The following NBAS variants were observed in gnomAD, a reference collection of about 807,000 sequenced individuals.
NBAS encodes the protein NBAS subunit of NRZ tethering complex.
A neutral mutation model predicts 302.5 loss-of-function variants in NBAS; 219 were observed. The observed-to-expected ratio is 0.72, with a 90% CI of 0.65 to 0.81. The LOEUF is 0.81. Among genes scored for constraint, NBAS ranks in the 30% least tolerant of loss-of-function variants. The pLI is 0.00. For missense variants in NBAS, 2,932 were observed against 2,841.6 expected (o/e 1.03, Z -0.72); for synonymous variants, 1,118 against 1,021.6 (o/e 1.09, Z -1.80).
At chr2:15,033,914 C>G in the NBAS span, among the ~76,000 whole-genome samples, 3 of 151,402 alleles carry the variant, frequency 2.0e-5, no homozygotes, top group East Asian at 5.9e-4. Context: ...CACCACTCCA[C>G]TCCACTCTGG....
chr2:15,186,760 C>T lies in NBAS; in HGVS notation c.6693G>A (p.Lys2231=). 6.2e-7 allele frequency: 1 copy of T among 1,613,822 alleles called. No homozygotes were observed. The highest frequency in any genetic ancestry group is 8.5e-7 in the Non-Finnish European group (1 of 1,179,940). ...LKMCRSLYNT[K]QMLPAEGVKE... is the part of the protein sequence containing the mutation. ...CACTCACCTCTGCAGGCAGCATCTG[C>T]TTGGTGTTATACAAAGAGCGACACA... The change falls in exon 50 of 52, where the codon AAG becomes AAA. Residue 2231 remains lysine, a synonymous_variant. Coordinates refer to ENST00000281513, the MANE Select transcript of NBAS (RefSeq NM_015909.4).
intron 49 of NBAS, among the ~76,000 whole-genome samples, chr2:15,189,779 T>C: frequency 6.6e-6 from 1 of 152,212 alleles, no homozygotes; most frequent in South Asian, 2.1e-4. Flanking sequence ...AGCCTGAAGT[T>C]GTTTAACTCC....
At chr2:14,963,844 T>C in the NBAS span, among the ~76,000 whole-genome samples, 1 of 152,218 alleles carries the variant, frequency 6.6e-6, no homozygotes, top group Admixed American at 6.5e-5. Flanking sequence ...ATCCTAGTTG[T>C]GAGTAGGACA....
intron 31 of NBAS, among the ~76,000 whole-genome samples, chr2:15,372,257 C>T (rs1355342732): frequency 6.6e-6 from 1 of 152,206 alleles, no homozygotes; most frequent in African/African-American, 2.4e-5. Flanking sequence ...AAGAGAAAAG[C>T]ATATACATAT....
intron 41 of NBAS, among the ~76,000 whole-genome samples, chr2:15,291,846 TC>T (rs569333465): frequency 6.6e-6 from 1 of 152,044 alleles, no homozygotes; most frequent in Admixed American, 6.5e-5. Flanking sequence ...ATCCTGAGCT[TC>T]CCATTTTTCG....
intron 31 of NBAS, among the ~76,000 whole-genome samples, chr2:15,367,734 C>A (rs866941305): frequency 2.0e-5 from 3 of 151,862 alleles, no homozygotes; most frequent in Non-Finnish European, 2.9e-5. Flanking sequence ...GGGCCAGGGA[C>A]GGGGGAGATA....
chr2:15,098,445 T>A, the NBAS span, among the ~76,000 whole-genome samples: 10 of 31,374 alleles, frequency 3.2e-4, no homozygotes, highest in African/African-American at 1.1e-3. Context: ...TATTGTATAT[T>A]GTATATTATA....
chr2:15,075,582 A>C, the NBAS span, among the ~76,000 whole-genome samples: 2 of 152,226 alleles, frequency 1.3e-5, no homozygotes, highest in Non-Finnish European at 2.9e-5. Context: ...GGCTACACAC[A>C]GCTCTGCTGC....
intron 48 of NBAS, among the ~76,000 whole-genome samples, chr2:15,205,914 G>C (rs747839018): frequency 1.1e-4 from 17 of 152,150 alleles, no homozygotes; most frequent in Non-Finnish European, 1.8e-4. Flanking sequence ...TCTCAGGTAG[G>C]TCTTTATAGC....
chr2:15,548,698 G>C (rs1034179086), intron 6 of NBAS, among the ~76,000 whole-genome samples: 1 of 151,678 alleles, frequency 6.6e-6, no homozygotes, highest in Non-Finnish European at 1.5e-5. Context: ...AGTAAGTGCT[G>C]TGATATAGGC....
At chr2:15,065,595 C>T in the NBAS span, among the ~76,000 whole-genome samples, 4 of 152,102 alleles carry the variant, frequency 2.6e-5, no homozygotes. Context: ...TTTCTAACAA[C>T]AAACTATCCA....
At chr2:15,124,309 G>T in the NBAS span, among the ~76,000 whole-genome samples, 1 of 152,302 alleles carries the variant, frequency 6.6e-6, no homozygotes, top group South Asian at 2.1e-4. Flanking sequence ...AAGTGTTCAA[G>T]AAGTGGAATA....
intron 42 of NBAS, among the ~76,000 whole-genome samples, chr2:15,283,850 G>C (rs188346170): frequency 5.3e-5 from 8 of 152,266 alleles, no homozygotes; most frequent in Admixed American, 3.9e-4. Flanking sequence ...GATCTTGAAA[G>C]TTCATCTGAC....
chr2:15,371,370 T>G (rs889609984), intron 31 of NBAS, among the ~76,000 whole-genome samples: 1 of 152,198 alleles, frequency 6.6e-6, no homozygotes, highest in Non-Finnish European at 1.5e-5. Flanking sequence ...AAAGGGCATT[T>G]TGAGAATTAG....
chr2:14,828,571 T>C, the NBAS span, among the ~76,000 whole-genome samples: 1 of 152,118 alleles, frequency 6.6e-6, no homozygotes, highest in Non-Finnish European at 1.5e-5. Context: ...GAGTAAGATT[T>C]AATTAACACA....
chr2:15,131,009 T>C, the NBAS span, among the ~76,000 whole-genome samples: 2 of 152,214 alleles, frequency 1.3e-5, no homozygotes, highest in African/African-American at 4.8e-5. Flanking sequence ...AATACAGTAT[T>C]CCATGCATAT....
the NBAS span, among the ~76,000 whole-genome samples, chr2:14,918,312 C>CA: frequency 7.9e-3 from 822 of 103,432 alleles, 4 homozygotes; most frequent in South Asian, 0.02. Flanking sequence ...GAAATCCATG[C>CA]AAAAAAAAAA....
At chr2:15,323,495 A>C (rs932123272) in intron 38 of NBAS, among the ~76,000 whole-genome samples, 1 of 152,182 alleles carries the variant, frequency 6.6e-6, no homozygotes, top group Non-Finnish European at 1.5e-5. Flanking sequence ...TAATATCTGA[A>C]GTGAAACTTT....
At chr2:14,803,152 G>A in the NBAS span, among the ~76,000 whole-genome samples, 1 of 152,094 alleles carries the variant, frequency 6.6e-6, no homozygotes, top group Admixed American at 6.5e-5. Flanking sequence ...TTACTCTCAG[G>A]CAAACTCTTT....
Sources: gnomAD v4.1 joint callset for allele counts (sites outside exome capture counted in the v4.1 genomes callset) on GRCh38, gnomAD v4.1.1 for gene constraint, MANE v1.5 for transcripts, NCBI Gene and HGNC (gene_info 2026-07-23, HGNC 2026-07-21) for gene names.